Variants in SCAPER observed in about 807,000 individuals in gnomAD.
The protein encoded by SCAPER is S-phase cyclin A associated protein in the ER.
Under a neutral mutation model 182.2 loss-of-function variants are expected in SCAPER, and 98 were observed. The observed-to-expected ratio is 0.54, with a 90% confidence interval of 0.46 to 0.64. The LOEUF (loss-of-function observed/expected upper bound fraction) is 0.64, where lower values mean the gene tolerates loss of function less well. SCAPER is among the 30% of genes least tolerant of loss of function. The pLI is 0.00. For synonymous variants in SCAPER, 605 were observed against 564.6 expected, an observed-to-expected ratio of 1.07 and a Z score of -1.01; for missense variants, 1,432 against 1,690.0, an observed-to-expected ratio of 0.85 and a Z score of 2.68.
chr15:76,523,792 G>A (rs906917653), intron 23 of SCAPER, among the ~76,000 whole-genome samples: 9 of 152,060 alleles, frequency 5.9e-5, no homozygotes, highest in African/African-American at 1.7e-4. Flanking sequence ...ATGTATGCTT[G>A]GAGAGGATGA....
intron 2 of SCAPER, among the ~76,000 whole-genome samples, chr15:76,864,157 T>C (rs1206258844): frequency 1.3e-5 from 2 of 152,156 alleles, no homozygotes; most frequent in East Asian, 3.8e-4. Context: ...CCTGGATCTA[T>C]TTCTATACAG....
intron 27 of SCAPER, among the ~76,000 whole-genome samples, chr15:76,398,301 G>T (rs530514418): frequency 3.3e-5 from 5 of 152,238 alleles, no homozygotes; most frequent in Non-Finnish European, 4.4e-5. Flanking sequence ...GTACCAGGCA[G>T]CATGTTAAGT....
At chr15:76,509,478 G>C (rs543728629) in intron 23 of SCAPER, among the ~76,000 whole-genome samples, 37 of 152,226 alleles carry the variant, frequency 2.4e-4, no homozygotes, top group African/African-American at 6.5e-4. Flanking sequence ...CTAGAGCACT[G>C]CTTCCCAAAC....
In SCAPER at chr15:76,602,240, T is replaced by C. The variant is rs1183361796; in HGVS notation, c.2711+19524A>G. Among the ~76,000 whole-genome samples the C allele has an allele frequency of 4.1e-5, 5 of 122,466 alleles. 2 individuals are homozygous for C. Among genetic ancestry groups the C allele is most frequent in the Middle Eastern group, 9.8e-3 (2 of 204 alleles). 80.3% of individuals were successfully genotyped at this position (122,466 alleles called of 152,430 possible). On this transcript the variant is annotated intron_variant, in intron 22 of 31. Transcript: ENST00000563290. ...ATTCCTTTTGTTATACAGATCTGAG[T>C]TTCTGATCTGTATCATTTAACTTCT...
intron 5 of SCAPER, among the ~76,000 whole-genome samples, chr15:76,836,818 G>C (rs1287703233): frequency 1.3e-5 from 2 of 149,964 alleles, no homozygotes; most frequent in Non-Finnish European, 3.0e-5. Context: ...AGCTTGTAGT[G>C]AGCCGAGATC....
chr15:76,817,775 G>C (rs936589789), intron 5 of SCAPER, among the ~76,000 whole-genome samples: 1 of 151,878 alleles, frequency 6.6e-6, no homozygotes, highest in Non-Finnish European at 1.5e-5. Context: ...AACAAAATAT[G>C]TATAAGATCT....
In SCAPER at chr15:76,600,928, T is replaced by G. The variant is rs2049886839; in HGVS notation, c.2711+20836A>C. On this transcript the variant is annotated intron_variant, in intron 22 of 31. Coordinates refer to ENST00000563290, the MANE Select transcript of SCAPER (RefSeq NM_020843.4). ...AAACAAAAAGATCGAATCTATACAT[T>G]TTAAAGCAATTTTTGGAAAGGACCA... Among the ~76,000 whole-genome samples, 2 of 120,598 alleles carry G rather than the reference T, an allele frequency of 1.7e-5. 1 individual carries two copies. Among genetic ancestry groups the G allele is most frequent in the South Asian group, 5.0e-4 (2 of 3,966 alleles). 79.1% of individuals were successfully genotyped at this position (120,598 alleles called of 152,430 possible).
At chr15:76,459,006 C>T (rs1460909541) in intron 25 of SCAPER, among the ~76,000 whole-genome samples, 1 of 152,018 alleles carries the variant, frequency 6.6e-6, no homozygotes, top group Non-Finnish European at 1.5e-5. Flanking sequence ...GCAATCCTCT[C>T]ATCTCAGCCT....
intron 8 of SCAPER, among the ~76,000 whole-genome samples, chr15:76,785,232 A>G (rs980208153): frequency 3.3e-5 from 5 of 152,268 alleles, no homozygotes; most frequent in African/African-American, 1.2e-4. Flanking sequence ...GAACACAGAC[A>G]CTTCTCAAAA....
At chr15:76,833,191 C>T (rs1017750521) in intron 5 of SCAPER, among the ~76,000 whole-genome samples, 2 of 152,144 alleles carry the variant, frequency 1.3e-5, no homozygotes, top group Non-Finnish European at 2.9e-5. Context: ...AGCAGAAACC[C>T]TACAAGCCAG....
intron 17 of SCAPER, among the ~76,000 whole-genome samples, chr15:76,709,095 T>C (rs886319636): frequency 2.0e-5 from 3 of 152,156 alleles, no homozygotes; most frequent in Admixed American, 1.3e-4. Context: ...CTATAAATCA[T>C]GCTCAAAATA....
intron 23 of SCAPER, among the ~76,000 whole-genome samples, chr15:76,555,324 T>C (rs982277660): frequency 1.3e-5 from 2 of 152,082 alleles, no homozygotes; most frequent in Non-Finnish European, 2.9e-5. Context: ...AACTCCACAA[T>C]TGAGTATGCA....
In SCAPER at chr15:76,665,796, GATAA is replaced by G. The variant is rs746143014; in HGVS notation, c.2509-11_2509-8del. The G allele has an allele frequency of 1.5e-5, 22 of 1,495,884 alleles. No individual in the cohort carries two copies. Among genetic ancestry groups the G allele is most frequent in the Non-Finnish European group, 2.0e-5 (22 of 1,125,346 alleles). 92.7% of individuals were successfully genotyped at this position (1,495,884 alleles called of 1,614,324 possible). On this transcript the variant is annotated splice_region_variant and splice_polypyrimidine_tract_variant and intron_variant, in intron 20 of 31. Transcript: ENST00000563290. ...TCTTCAAGGAAAGATGCTCCTGCAA[GATAA>G]ATAAATAAAATAATAATAATGAGGA...
chr15:76,724,376 A>G (rs2060460945), intron 17 of SCAPER, among the ~76,000 whole-genome samples: 1 of 151,996 alleles, frequency 6.6e-6, no homozygotes, highest in Admixed American at 6.6e-5. Context: ...CTTCATTTCA[A>G]CTTCGGTGAA....
intron 21 of SCAPER, among the ~76,000 whole-genome samples, chr15:76,633,676 G>T (rs1466049069): frequency 1.3e-5 from 2 of 152,178 alleles, no homozygotes; most frequent in African/African-American, 4.8e-5. Flanking sequence ...GTGGATTGGG[G>T]TCCTGCTTAA....
rs542858442 is a variant in SCAPER, at chr15:76,449,538, T to C, written c.3079-15228A>G. ...TGATTTAATCCCTTTGAGTCTGTTT[T>C]CTCAACTGTAACTTGAAATAGTTAT... On this transcript the variant is annotated intron_variant, in intron 25 of 31. Transcript: ENST00000563290. Among the ~76,000 whole-genome samples the C allele has an allele frequency of 1.3e-4, 20 of 152,342 alleles. No individual in the cohort carries two copies. In the South Asian group the frequency reaches 3.9e-3, roughly 30 times the overall value.
At chr15:76,904,092 A>C (rs777482794) in intron 1 of SCAPER, among the ~76,000 whole-genome samples, 3 of 152,200 alleles carry the variant, frequency 2.0e-5, no homozygotes, top group South Asian at 2.1e-4. Flanking sequence ...ACAAACTTTG[A>C]GGAAAAGTCA....
chr15:76,546,643 CCT>C (rs139483801), intron 23 of SCAPER, among the ~76,000 whole-genome samples: 29 of 147,136 alleles, frequency 2.0e-4, no homozygotes, highest in Admixed American at 3.4e-4. Context: ...TCTCTCTCTC[CCT>C]CTCTCTCTCT....
intron 22 of SCAPER, among the ~76,000 whole-genome samples, chr15:76,597,643 G>A (rs1178738701): frequency 2.5e-5 from 3 of 120,046 alleles, no homozygotes; most frequent in African/African-American, 5.1e-5. Context: ...CAGAAATAAT[G>A]CCACACATCT....
Sources: allele counts gnomAD v4.1 joint callset (sites outside exome capture counted in the v4.1 genomes callset), GRCh38; gene constraint gnomAD v4.1.1; transcripts MANE v1.5; gene names NCBI Gene and HGNC (gene_info 2026-07-23, HGNC 2026-07-21).